Variants in ERG observed in about 807,000 individuals in gnomAD.
The protein encoded by ERG is ETS transcription factor ERG, also known as transcriptional regulator ERG.
ERG carries 9 observed loss-of-function variants against 55.3 expected under a neutral mutation model. The observed-to-expected ratio is 0.16, with a 90% CI of 0.10 to 0.28. The LOEUF is 0.28. ERG is among the 10% of genes least tolerant of loss of function. The probability of loss-of-function intolerance (pLI) is 1.00; values close to 1 mark genes in which losing one functional copy is unlikely to be tolerated. For synonymous variants in ERG, 223 were observed against 237.3 expected, an observed-to-expected ratio of 0.94 and a Z score of 0.55; for missense variants, 434 against 631.6, an observed-to-expected ratio of 0.69 and a Z score of 3.35.
intron 2 of ERG, among the ~76,000 whole-genome samples, chr21:38,549,893 T>C (rs1338035558): frequency 6.6e-6 from 1 of 152,226 alleles, no homozygotes; most frequent in Non-Finnish European, 1.5e-5. Context: ...AGCCAGTCAC[T>C]GAGCCCCTGC....
chr21:38,629,597 A>C (rs973492016), intron 1 of ERG, among the ~76,000 whole-genome samples: 1 of 152,216 alleles, frequency 6.6e-6, no homozygotes, highest in Non-Finnish European at 1.5e-5. Context: ...GTAGAAAAAA[A>C]ATATATCAAG....
intron 1 of ERG, among the ~76,000 whole-genome samples, chr21:38,640,487 C>T (rs186020792): frequency 0.015 from 2,317 of 152,226 alleles, 21 homozygotes; most frequent in Non-Finnish European, 0.025. Flanking sequence ...GGGAGGGAGC[C>T]GGTGGGAGAT....
chr21:38,593,116 G>A (rs2060110924), intron 1 of ERG, among the ~76,000 whole-genome samples: 1 of 152,206 alleles, frequency 6.6e-6, no homozygotes, highest in African/African-American at 2.4e-5. Context: ...TCTCAGAGTT[G>A]AGGTGGCTGC....
intron 2 of ERG, among the ~76,000 whole-genome samples, chr21:38,437,208 A>G (rs576128467): frequency 2.9e-4 from 44 of 152,108 alleles, no homozygotes; most frequent in African/African-American, 9.4e-4. Context: ...TTAATTCTTA[A>G]TCCATCTCCA....
chr21:38,597,319 T>C (rs773306484), intron 1 of ERG, among the ~76,000 whole-genome samples: 2 of 152,204 alleles, frequency 1.3e-5, no homozygotes, highest in Non-Finnish European at 2.9e-5. Context: ...TATATTTACA[T>C]ACATATACAT....
intron 1 of ERG, among the ~76,000 whole-genome samples, chr21:38,457,642 A>C (rs1429709282): frequency 6.6e-6 from 1 of 152,160 alleles, no homozygotes; most frequent in African/African-American, 2.4e-5. Flanking sequence ...ATGGATGTTC[A>C]CATCTATCTT....
intron 1 of ERG, among the ~76,000 whole-genome samples, chr21:38,466,784 C>A (rs2059094950): frequency 1.3e-5 from 2 of 152,150 alleles, no homozygotes; most frequent in Admixed American, 6.5e-5. Flanking sequence ...CAACTTACAA[C>A]AGGGTGGGAG....
At chr21:38,388,418 C>G (rs901364845) in intron 9 of ERG, among the ~76,000 whole-genome samples, 5 of 152,182 alleles carry the variant, frequency 3.3e-5, no homozygotes, top group African/African-American at 1.2e-4. Flanking sequence ...ATGATGCAAT[C>G]TTTCCACTTA....
intron 2 of ERG, among the ~76,000 whole-genome samples, chr21:38,569,170 C>A (rs371464813): frequency 4.0e-5 from 6 of 150,694 alleles, no homozygotes; most frequent in South Asian, 4.2e-4. Flanking sequence ...TTCTCTCCCT[C>A]CCCCCCCACC....
chr21:38,417,961 C>T (rs1030980825), intron 3 of ERG, among the ~76,000 whole-genome samples: 2 of 152,126 alleles, frequency 1.3e-5, no homozygotes, highest in African/African-American at 4.8e-5. Context: ...TTGGTTAGCA[C>T]ATCTCCATGT....
chr21:38,656,913 G>A (rs552256335), intron 1 of ERG, among the ~76,000 whole-genome samples: 1 of 152,014 alleles, frequency 6.6e-6, no homozygotes, highest in African/African-American at 2.4e-5. Context: ...GTTTTGCAGG[G>A]GTAATAATTA....
intron 6 of ERG, among the ~76,000 whole-genome samples, chr21:38,393,270 C>T (rs563260688): frequency 1.5e-4 from 23 of 152,336 alleles, no homozygotes; most frequent in Non-Finnish European, 2.2e-4. Flanking sequence ...TCTGCATCCT[C>T]AGTGTGAGTT....
At chr21:38,402,727 AAAAAG>A (rs1196105876) in intron 4 of ERG, 90 bp from the exon 5 acceptor site, 214 of 798,402 alleles carry the variant, frequency 2.7e-4, no homozygotes, top group African/African-American at 4.7e-4. Context: ...AAAAAAAAAA[AAAAAG>A]AAAGAAAAAG....
intron 1 of ERG, among the ~76,000 whole-genome samples, chr21:38,475,410 C>G (rs2059178213): frequency 6.6e-6 from 1 of 152,112 alleles, no homozygotes; most frequent in African/African-American, 2.4e-5. Context: ...AGGACTGTGC[C>G]CGATTACAAT....
At chr21:38,379,161 T>C (rs896724916), downstream of ERG, among the ~76,000 whole-genome samples, 15 of 152,220 alleles carry the variant, frequency 9.9e-5, no homozygotes, top group African/African-American at 3.4e-4. Context: ...GCCTGTTCTT[T>C]GGCATCCTGG....
intron 2 of ERG, among the ~76,000 whole-genome samples, chr21:38,565,958 G>A (rs28477632): frequency 0.13 from 19,477 of 152,166 alleles, 1,313 homozygotes; most frequent in East Asian, 0.21. Context: ...ATAAGTGTGT[G>A]AAGAGTATGA....
chr21:38,458,712 G>T (rs769225251), intron 1 of ERG, among the ~76,000 whole-genome samples: 1 of 152,126 alleles, frequency 6.6e-6, no homozygotes, highest in Non-Finnish European at 1.5e-5. Flanking sequence ...GTTGGTCTGG[G>T]TGTCCGAAGG....
At chr21:38,440,739 A>C (rs1400026391) in intron 2 of ERG, among the ~76,000 whole-genome samples, 1 of 143,896 alleles carries the variant, frequency 6.9e-6, no homozygotes, top group Admixed American at 7.4e-5. Flanking sequence ...CAGTGAGCCG[A>C]GATTGTGCCA....
intron 2 of ERG, among the ~76,000 whole-genome samples, chr21:38,437,815 C>T (rs2058804911): frequency 6.6e-6 from 1 of 152,178 alleles, no homozygotes; most frequent in African/African-American, 2.4e-5. Flanking sequence ...CTACCACTCT[C>T]ACCCACTCTC....
Sources: gnomAD v4.1 joint callset for allele counts (sites outside exome capture counted in the v4.1 genomes callset) on GRCh38, gnomAD v4.1.1 for gene constraint, MANE v1.5 for transcripts, NCBI Gene and HGNC (gene_info 2026-07-23, HGNC 2026-07-21) for gene names.